The following DST variants were observed in gnomAD, a reference collection of about 807,000 sequenced individuals.
DST encodes the protein bullous pemphigoid antigen.
In DST, 253 loss-of-function variants were observed where a neutral mutation model predicts 875.2. That is an observed-to-expected ratio of 0.29 (90% confidence interval 0.26 to 0.32). The LOEUF (loss-of-function observed/expected upper bound fraction) is 0.32, where lower values mean the gene tolerates loss of function less well. DST is among the 10% of genes least tolerant of loss of function. DST has a pLI of 1.00. For missense variants in DST, 8,287 were observed against 9,111.6 expected (o/e 0.91, Z 3.68); for synonymous variants, 3,124 against 3,197.1 (o/e 0.98, Z 0.77).
chr6:56,847,822 GT>G (rs2099808809), intron 4 of DST, among the ~76,000 whole-genome samples: 1 of 152,144 alleles, frequency 6.6e-6, no homozygotes, highest in Admixed American at 6.5e-5. Context: ...CGTTGTAACT[GT>G]TTAACAACAC....
At chr6:56,616,112 C>T in intron 36 of DST, 1 of 1,614,186 alleles carries the variant, frequency 6.2e-7, no homozygotes. Context: ...AGCAGTCAGC[C>T]AATACCCTGC....
intron 55 of DST, among the ~76,000 whole-genome samples, chr6:56,564,456 C>G (rs2097613291): frequency 6.6e-6 from 1 of 152,164 alleles, no homozygotes; most frequent in Non-Finnish European, 1.5e-5. Flanking sequence ...TGCTTAACAG[C>G]TTAAGGAGAT....
intron 2 of DST, among the ~76,000 whole-genome samples, chr6:56,947,329 C>T (rs1820097878): frequency 6.6e-6 from 1 of 150,620 alleles, no homozygotes; most frequent in Admixed American, 6.6e-5. Flanking sequence ...TGGCTCACTG[C>T]AACCTCCACC....
chr6:56,750,008 C>T (rs1437903527), intron 4 of DST, among the ~76,000 whole-genome samples: 1 of 152,168 alleles, frequency 6.6e-6, no homozygotes, highest in Non-Finnish European at 1.5e-5. Context: ...CTGCCGCTAC[C>T]ACCACCATCG....
chr6:56,851,954 A>G lies in DST; in HGVS notation c.418-350T>C, dbSNP rs1218637022. 2.0e-6 allele frequency: 3 copies of G among 1,490,504 alleles called. No individual in the cohort carries two copies. The African/African-American group carries it at 4.3e-5, about 21-fold the overall frequency. 92.3% of individuals were successfully genotyped at this position (1,490,504 alleles called of 1,614,324 possible). A position where few individuals can be genotyped will look rare whatever the true frequency, so the allele number is the denominator to read the frequency against. On this transcript the variant is annotated intron_variant, in intron 3 of 103. Transcript: ENST00000680361. ...AACAGCCTTCCTGTTACAAACCTAT[A>G]GTATTTGGCTCCCCCACCAGGACAG...
At position 56,606,215 on chromosome 6, in the gene DST, C is replaced by A. The variant is rs771841650; in HGVS notation, c.8413G>T (p.Asp2805Tyr). 6 of 1,571,478 alleles carry A rather than the reference C, an allele frequency of 3.8e-6. No individual in the cohort carries two copies. The highest frequency in any genetic ancestry group is 5.2e-6 in the Non-Finnish European group (6 of 1,156,306). ...TCAATGCCATCATCATCATCGTCATCCTGATCATTACTGTCATATATATAA... is the reference window on the plus strand; with the variant it reads ...TCAATGCCATCATCATCATCGTCATACTGATCATTACTGTCATATATATAA... ...GDYIYDSNDQ[D>Y]DDDDDGIDEE... The change falls in exon 40 of 104, where the codon GAT becomes TAT. Residue 2805 changes from aspartate to tyrosine, a missense_variant. Around this residue, in one of 10 missense-constraint regions of DST, gnomAD observed 3,138 missense variants for 3,116.6 expected, o/e 1.01. Coordinates refer to ENST00000680361, the MANE Select transcript of DST (RefSeq NM_001374736.1).
In DST at chr6:56,617,993, G is replaced by A. The variant is rs1563222681; in HGVS notation, c.4930-3509C>T. On this transcript the variant is annotated intron_variant, in intron 36 of 103. Transcript: ENST00000680361. ...TCAGAACACAGAGTATACCTCTAAG[G>A]GTGTCAAAACCTTCACCAGTTCCAT... The A allele has an allele frequency of 6.2e-7, 1 of 1,612,930 alleles. No individual in the cohort carries two copies.
chr6:56,815,349 CGTAT>C (rs5876520), intron 4 of DST, among the ~76,000 whole-genome samples: 25,180 of 151,942 alleles, frequency 0.17, 2,285 homozygotes, highest in Non-Finnish European at 0.19. Flanking sequence ...CCAAGGTATA[CGTAT>C]AAACACAAAT....
chr6:56,850,177 G>A (rs912700558), intron 4 of DST, among the ~76,000 whole-genome samples: 1 of 152,150 alleles, frequency 6.6e-6, no homozygotes, highest in African/African-American at 2.4e-5. Context: ...GCCTGGGTGA[G>A]ACCAGCCAGC....
chr6:56,751,315 G>C (rs1196938112), intron 4 of DST, among the ~76,000 whole-genome samples: 1 of 152,248 alleles, frequency 6.6e-6, no homozygotes, highest in African/African-American at 2.4e-5. Flanking sequence ...AAAATGCTTG[G>C]AAGTGCCTAA....
At chr6:56,544,832 C>CA (rs1265851531) in intron 61 of DST, among the ~76,000 whole-genome samples, 4 of 152,060 alleles carry the variant, frequency 2.6e-5, no homozygotes, top group African/African-American at 9.7e-5. Flanking sequence ...TACTTGAAAT[C>CA]ACATTCCAAA....
intron 89 of DST, chr6:56,482,434 C>T (rs1678380142): frequency 3.8e-6 from 2 of 524,050 alleles, no homozygotes; most frequent in Non-Finnish European, 6.3e-6. Flanking sequence ...GGCAGTCCAT[C>T]ATACTTCCAA....
At chr6:56,528,648 G>T (rs2096842923) in intron 67 of DST, among the ~76,000 whole-genome samples, 193 bp downstream of exon 67, 1 of 152,192 alleles carries the variant, frequency 6.6e-6, no homozygotes, top group Non-Finnish European at 1.5e-5. Context: ...AAGAACTCAA[G>T]TGAGATCATG....
chr6:56,713,124 A>G (rs2152897218), intron 5 of DST, among the ~76,000 whole-genome samples: 1 of 152,324 alleles, frequency 6.6e-6, no homozygotes, highest in Admixed American at 6.5e-5. Context: ...ATGGTTGGTG[A>G]TAAGATGGAA....
chr6:56,623,992 A>G (rs918600903), intron 36 of DST, among the ~76,000 whole-genome samples: 5 of 151,916 alleles, frequency 3.3e-5, no homozygotes, highest in Admixed American at 6.6e-5. Context: ...TTTGCAAAAA[A>G]AAAACAACAA....
intron 10 of DST, among the ~76,000 whole-genome samples, chr6:56,669,100 G>C (rs1268901549): frequency 6.6e-6 from 1 of 151,838 alleles, no homozygotes; most frequent in Non-Finnish European, 1.5e-5. Flanking sequence ...GAGAACACGA[G>C]TATAGCATTT....
At chr6:56,941,899 G>A (rs1816798055) in intron 2 of DST, among the ~76,000 whole-genome samples, 1 of 152,138 alleles carries the variant, frequency 6.6e-6, no homozygotes, top group South Asian at 2.1e-4. Context: ...TGCTGAAAGA[G>A]GTATGCTTAT....
intron 88 of DST, chr6:56,484,375 C>A (rs558287851): frequency 1.3e-5 from 2 of 151,392 alleles, no homozygotes; most frequent in Admixed American, 1.3e-4. Flanking sequence ...TCAGGTGTAA[C>A]AAACTCTCTT....
At chr6:56,535,372 G>T in intron 62 of DST, 80 bp from the exon 63 acceptor site, 1 of 1,422,872 alleles carries the variant, frequency 7.0e-7, no homozygotes, top group East Asian at 2.7e-5. Flanking sequence ...TATTTTACAT[G>T]CTTATTTTCC....
Sources: allele counts gnomAD v4.1 joint callset (sites outside exome capture counted in the v4.1 genomes callset), GRCh38; gene constraint gnomAD v4.1.1; regional missense constraint gnomAD v4.1.1; transcripts MANE v1.5; gene names NCBI Gene and HGNC (gene_info 2026-07-23, HGNC 2026-07-21).